The following HDAC9 variants were observed in gnomAD, a reference collection of about 807,000 sequenced individuals.
HDAC9 encodes the protein MEF-2 interacting transcription repressor (MITR) protein.
A neutral mutation model predicts 139.4 loss-of-function variants in HDAC9; 41 were observed. The ratio of observed to expected loss-of-function variants is 0.29; its 90% CI spans 0.23 to 0.38. The LOEUF is 0.38. Among genes scored for constraint, HDAC9 ranks in the 10% least tolerant of loss-of-function variants. The pLI is 1.00. For missense variants in HDAC9, 1,147 were observed against 1,297.0 expected (o/e 0.88, Z 1.78); for synonymous variants, 517 against 476.2 (o/e 1.09, Z -1.12).
chr7:18,357,943 C>G (rs779772274), intron 1 of HDAC9, among the ~76,000 whole-genome samples: 2 of 152,168 alleles, frequency 1.3e-5, no homozygotes, highest in Non-Finnish European at 2.9e-5. Context: ...AAAACAGCAA[C>G]ATTATCTGAT....
intron 25 of HDAC9, among the ~76,000 whole-genome samples, chr7:18,983,212 T>G (rs1399838578): frequency 6.6e-6 from 1 of 152,240 alleles, no homozygotes; most frequent in African/African-American, 2.4e-5. Flanking sequence ...TTTGTCTTTT[T>G]CTACTGGCTT....
At chr7:18,375,291 G>A (rs1784905054) in intron 1 of HDAC9, among the ~76,000 whole-genome samples, 1 of 152,114 alleles carries the variant, frequency 6.6e-6, no homozygotes, top group Non-Finnish European at 1.5e-5. Flanking sequence ...CCAACATGGT[G>A]AAACCCCATC....
intron 2 of HDAC9, among the ~76,000 whole-genome samples, chr7:18,206,793 T>A (rs1251588626): frequency 2.0e-5 from 3 of 152,154 alleles, no homozygotes; most frequent in African/African-American, 7.2e-5. Context: ...TTGTTGGTAA[T>A]CCCAGTTCCA....
chr7:18,971,346 C>G (rs1367641485), intron 24 of HDAC9, among the ~76,000 whole-genome samples: 1 of 152,168 alleles, frequency 6.6e-6, no homozygotes, highest in Admixed American at 6.5e-5. Flanking sequence ...TTCTCTTTTG[C>G]CAGTTGCATA....
At chr7:18,471,806 T>A (rs1305481529) in intron 1 of HDAC9, among the ~76,000 whole-genome samples, 1 of 152,116 alleles carries the variant, frequency 6.6e-6, no homozygotes, top group Non-Finnish European at 1.5e-5. Context: ...ACCATCCTTG[T>A]GGAGAGAAAA....
chr7:18,422,750 A>G (rs1319331947), intron 1 of HDAC9, among the ~76,000 whole-genome samples: 8 of 145,466 alleles, frequency 5.5e-5, no homozygotes, highest in Admixed American at 2.7e-4. Flanking sequence ...ACGCGCACAC[A>G]CACACACACA....
chr7:18,405,398 A>T (rs1279684859), intron 1 of HDAC9, among the ~76,000 whole-genome samples: 2 of 152,152 alleles, frequency 1.3e-5, no homozygotes, highest in African/African-American at 4.8e-5. Context: ...GTCTCTCCAC[A>T]CATTTTCTCC....
At chr7:18,789,959 A>G (rs1792157411) in intron 16 of HDAC9, among the ~76,000 whole-genome samples, 2 of 152,200 alleles carry the variant, frequency 1.3e-5, no homozygotes, top group African/African-American at 4.8e-5. Flanking sequence ...TTGACAACCA[A>G]TGAGAGGGAC....
intron 1 of HDAC9, among the ~76,000 whole-genome samples, chr7:18,096,838 T>C (rs1782535245): frequency 1.3e-5 from 2 of 152,072 alleles, no homozygotes; most frequent in Non-Finnish European, 2.9e-5. Flanking sequence ...ACATGAGAAG[T>C]GCCTAATAAA....
chr7:18,809,241 A>G (rs1401175297), intron 17 of HDAC9, among the ~76,000 whole-genome samples: 1 of 152,076 alleles, frequency 6.6e-6, no homozygotes, highest in Non-Finnish European at 1.5e-5. Flanking sequence ...AAACTACTTG[A>G]GGAAAACTTA....
rs1185716228 is a variant in HDAC9 at position 18,541,569 on chromosome 7, C to T, written c.23-43712C>T. 6.6e-5 allele frequency among the ~76,000 whole-genome samples: 10 copies of T among 152,136 alleles called. No homozygotes were observed. In the East Asian group the frequency reaches 9.7e-4, roughly 15 times the overall value. Reference sequence around the variant, plus strand: ...TATTCCATTCTGTGTTACTCAGCAACGATCTTATTTGCTTGCAAGCATTGT... The same window carrying T: ...TATTCCATTCTGTGTTACTCAGCAATGATCTTATTTGCTTGCAAGCATTGT... On this transcript the variant is annotated intron_variant, in intron 2 of 25. Coordinates refer to ENST00000686413, the MANE Select transcript of HDAC9 (RefSeq NM_178425.4).
In HDAC9 at chr7:18,563,446, T is replaced by C. The variant is rs376699286; in HGVS notation, c.23-21835T>C. Reference sequence around the variant, plus strand: ...TTTTTGTTATCTTCTTTTGTTGTTATTGTTAGCTTATTTTAGTTATTTCCC... The same window carrying C: ...TTTTTGTTATCTTCTTTTGTTGTTACTGTTAGCTTATTTTAGTTATTTCCC... On this transcript the variant is annotated intron_variant, in intron 2 of 25. Coordinates refer to ENST00000686413, the MANE Select transcript of HDAC9 (RefSeq NM_178425.4). Among the ~76,000 whole-genome samples, 4 of 152,292 alleles carry C rather than the reference T, an allele frequency of 2.6e-5. No individual in the cohort carries two copies. In the East Asian group the frequency reaches 7.7e-4, roughly 29 times the overall value.
chr7:18,152,623 G>T (rs977273775), intron 1 of HDAC9, among the ~76,000 whole-genome samples: 1 of 152,124 alleles, frequency 6.6e-6, no homozygotes, highest in Non-Finnish European at 1.5e-5. Context: ...ACTGTACTCT[G>T]AGAAATCACT....
chr7:18,642,012 C>T (rs1167087421), intron 8 of HDAC9, among the ~76,000 whole-genome samples: 2 of 152,094 alleles, frequency 1.3e-5, no homozygotes, highest in African/African-American at 4.8e-5. Context: ...TCTCTGAAGT[C>T]ATCCTAGACC....
chr7:18,162,094 G>A (rs984937832), intron 1 of HDAC9: 2 of 524,388 alleles, frequency 3.8e-6, no homozygotes, highest in African/African-American at 3.9e-5. Flanking sequence ...GACCTGTAAG[G>A]TTGATATGAC....
chr7:18,439,706 G>C (rs1791565108), intron 1 of HDAC9, among the ~76,000 whole-genome samples: 1 of 152,142 alleles, frequency 6.6e-6, no homozygotes, highest in African/African-American at 2.4e-5. Context: ...AAGATTGAAA[G>C]TATCAGAATG....
chr7:18,743,941 T>C (rs1787691643), intron 13 of HDAC9, among the ~76,000 whole-genome samples: 1 of 151,620 alleles, frequency 6.6e-6, no homozygotes, highest in South Asian at 2.1e-4. Flanking sequence ...TTTGATTCTC[T>C]AGCCTCACAA....
intron 24 of HDAC9, among the ~76,000 whole-genome samples, chr7:18,970,116 T>A (rs1381760295): frequency 6.6e-6 from 1 of 152,112 alleles, no homozygotes; most frequent in African/African-American, 2.4e-5. Flanking sequence ...ACCATACAAT[T>A]AAGTTTTCAA....
Position 18,661,570 on chromosome 7 carries a change from A to G in HDAC9, c.1468-4643A>G, listed in dbSNP as rs137939404. 8.7e-3 allele frequency among the ~76,000 whole-genome samples: 1,317 copies of G among 152,152 alleles called. 8 individuals are homozygous for G. The highest frequency in any genetic ancestry group is 0.022 in the African/African-American group (930 of 41,520). ...AAATTCATATCTTACAATCTTAGAG[A>G]TGACTTGTCTTTTTTGGGCATGAGA... On this transcript the variant is annotated intron_variant, in intron 11 of 25. Transcript: ENST00000686413.
Sources: allele counts gnomAD v4.1 joint callset (sites outside exome capture counted in the v4.1 genomes callset), GRCh38; gene constraint gnomAD v4.1.1; transcripts MANE v1.5; gene names NCBI Gene and HGNC (gene_info 2026-07-23, HGNC 2026-07-21).